ZNF83: variants seen among roughly 807,000 people sequenced by gnomAD.
The protein encoded by ZNF83 is zinc finger protein 83.
For synonymous variants in ZNF83, 209 were observed against 213.0 expected (o/e 0.98, Z 0.17); for missense variants, 552 against 629.9 (o/e 0.88, Z 1.32).
intron 2 of ZNF83, among the ~76,000 whole-genome samples, chr19:52,622,660 C>A (rs1409036913): frequency 6.6e-6 from 1 of 152,218 alleles, no homozygotes; most frequent in East Asian, 1.9e-4. Flanking sequence ...GAAAACCCAG[C>A]CCAGTTCATG....
intron 1 of ZNF83, among the ~76,000 whole-genome samples, chr19:52,682,599 C>T (rs944503759): frequency 1.3e-5 from 2 of 151,782 alleles, no homozygotes; most frequent in African/African-American, 4.8e-5. Context: ...ACCCAGGAGT[C>T]AGAGGTTGCA....
intron 1 of ZNF83, among the ~76,000 whole-genome samples, chr19:52,664,162 T>C (rs931786431): frequency 4.0e-5 from 6 of 149,388 alleles, no homozygotes; most frequent in Middle Eastern, 3.5e-3. Context: ...GGATTACAGG[T>C]GTGAGCCACT....
chr19:52,660,783 C>A, exon 2 of ZNF83: 2 of 214,486 alleles, frequency 9.3e-6, no homozygotes, highest in South Asian at 8.5e-5. Context: ...CCATCCTTGT[C>A]TCCTTTTCTT....
At chr19:52,633,628 G>A (rs2061047197) in intron 2 of ZNF83, among the ~76,000 whole-genome samples, 1 of 152,198 alleles carries the variant, frequency 6.6e-6, no homozygotes. Flanking sequence ...TATATTCATT[G>A]GTCAGGTGTG....
At chr19:52,651,049 G>C (rs2061435295) in intron 3 of ZNF83, 1 of 152,176 alleles carries the variant, frequency 6.6e-6, no homozygotes, top group East Asian at 1.9e-4. Context: ...TGGGCTACTT[G>C]AACTGTGCAT....
At chr19:52,630,062 T>TGGCCACTGGGCC (rs2060896604) in intron 2 of ZNF83, among the ~76,000 whole-genome samples, 1 of 152,212 alleles carries the variant, frequency 6.6e-6, no homozygotes, top group South Asian at 2.1e-4. Context: ...GCCAGAAATC[T>TGGCCACTGGGCC]GGCCACTGGG....
At chr19:52,683,381 T>C (rs1170013586) in intron 1 of ZNF83, among the ~76,000 whole-genome samples, 1 of 152,106 alleles carries the variant, frequency 6.6e-6, no homozygotes, top group African/African-American at 2.4e-5. Flanking sequence ...CACTGTGCTG[T>C]TTGCACTCTG....
intron 2 of ZNF83, among the ~76,000 whole-genome samples, chr19:52,624,872 T>C (rs1162654727): frequency 6.6e-6 from 1 of 152,170 alleles, no homozygotes; most frequent in Non-Finnish European, 1.5e-5. Context: ...CTGATGCATA[T>C]ACTTTTTGCT....
chr19:52,643,360 G>GAAA (rs35849256), upstream of ZNF83, among the ~76,000 whole-genome samples: 22 of 136,352 alleles, frequency 1.6e-4, no homozygotes, highest in African/African-American at 5.2e-4. Flanking sequence ...GTCTCAAATA[G>GAAA]AAAAAAAAAA....
intron 2 of ZNF83, among the ~76,000 whole-genome samples, chr19:52,629,906 CAAT>C (rs1160143492): frequency 1.9e-4 from 29 of 149,580 alleles, no homozygotes; most frequent in Admixed American, 1.3e-3. Flanking sequence ...TCAAGGTGTA[CAAT>C]AATAGAAAAA....
intron 2 of ZNF83, among the ~76,000 whole-genome samples, chr19:52,615,859 A>G (rs976562535): frequency 6.6e-6 from 1 of 152,118 alleles, no homozygotes; most frequent in African/African-American, 2.4e-5. Context: ...TCTTTTTGAG[A>G]CGAAGTCTCA....
chr19:52,642,549 C>T (rs2061322171), upstream of ZNF83, among the ~76,000 whole-genome samples: 1 of 152,020 alleles, frequency 6.6e-6, no homozygotes, highest in South Asian at 2.1e-4. Flanking sequence ...ATCCTTGTAG[C>T]TATCTTGTTT....
chr19:52,670,044 A>G (rs528898394), intron 1 of ZNF83, among the ~76,000 whole-genome samples: 2 of 152,300 alleles, frequency 1.3e-5, no homozygotes, highest in Admixed American at 1.3e-4. Context: ...TTTGCCTTCT[A>G]CTTTTAAACT....
rs760538740 is a variant in ZNF83 at position 52,613,804 on chromosome 19, AT to A, written c.760del (p.Ile254PhefsTer51). 1 of 1,613,826 alleles carries A rather than the reference AT, an allele frequency of 6.2e-7. No homozygotes were observed. Among genetic ancestry groups the A allele is most frequent in the African/African-American group, 1.3e-5 (1 of 74,886 alleles). On this transcript the variant is annotated frameshift_variant, in exon 3 of 3. Transcript: ENST00000301096. LOFTEE classifies it low-confidence loss of function (END_TRUNC). Reference sequence around the variant, plus strand: ...TCTGTAAGGTTTCTCTCCAGTATGAATGATCAGATGTTGTACAAGGTAGGAA... The same window carrying A: ...TCTGTAAGGTTTCTCTCCAGTATGAAGATCAGATGTTGTACAAGGTAGGAA...
At chr19:52,657,431 G>A (rs1296573460) in intron 2 of ZNF83, among the ~76,000 whole-genome samples, 3 of 152,002 alleles carry the variant, frequency 2.0e-5, no homozygotes, top group Non-Finnish European at 2.9e-5. Flanking sequence ...TCAATATGGT[G>A]AAACTTTGTC....
In ZNF83 at chr19:52,676,520, G is replaced by A. The variant is rs576713229; in HGVS notation, c.-283+13923C>T. 9.0e-4 allele frequency among the ~76,000 whole-genome samples: 137 copies of A among 151,590 alleles called. 1 individual carries two copies. Among genetic ancestry groups the A allele is most frequent in the Middle Eastern group, 3.4e-3 (1 of 292 alleles). On this transcript the variant is annotated intron_variant, in intron 1 of 5. Coordinates refer to the ZNF83 transcript ENST00000594682. ...GGGAGGTGGGGGGCAGCCCCCGCCC[G>A]GCCAGCCGCCCCGTCTGGGAGGGAG...
intron 1 of ZNF83, among the ~76,000 whole-genome samples, chr19:52,667,923 A>C (rs2061676251): frequency 1.3e-5 from 2 of 152,222 alleles, no homozygotes; most frequent in Admixed American, 1.3e-4. Flanking sequence ...GAAGTGTTAA[A>C]TATAAAATGG....
intron 2 of ZNF83, among the ~76,000 whole-genome samples, chr19:52,660,381 A>T (rs1230438546): frequency 6.6e-6 from 1 of 151,386 alleles, no homozygotes; most frequent in East Asian, 1.9e-4. Context: ...GCAACAGTGA[A>T]AAACTGTCAA....
chr19:52,631,443 C>A (rs1213204846), intron 2 of ZNF83, among the ~76,000 whole-genome samples: 2 of 152,184 alleles, frequency 1.3e-5, no homozygotes, highest in Non-Finnish European at 2.9e-5. Context: ...CGCCCTAATA[C>A]TTTTAGAGGC....
Sources: allele counts gnomAD v4.1 joint callset (sites outside exome capture counted in the v4.1 genomes callset), GRCh38; gene constraint gnomAD v4.1.1; transcripts MANE v1.5; gene names NCBI Gene and HGNC (gene_info 2026-07-23, HGNC 2026-07-21).